SLC36A3: variants seen among roughly 807,000 people sequenced by gnomAD.
SLC36A3 encodes the protein solute carrier family 36 member 3.
SLC36A3 carries 35 observed loss-of-function variants against 44.3 expected under a neutral mutation model. The observed-to-expected ratio is 0.79, with a 90% CI of 0.60 to 1.05. The LOEUF (loss-of-function observed/expected upper bound fraction) is 1.05, where lower values mean the gene tolerates loss of function less well. SLC36A3 is among the 50% of genes least tolerant of loss of function. The pLI is 0.00. For synonymous variants in SLC36A3, 211 were observed against 227.6 expected (o/e 0.93, Z 0.66); for missense variants, 540 against 578.7 (o/e 0.93, Z 0.69).
Position 151,287,251 on chromosome 5 carries a change from T to C in SLC36A3, c.703A>G (p.Met235Val). Reference protein sequence around the residue: ...GSMALIFEYIMEGIPYPSNLP... With the variant: ...GSMALIFEYIVEGIPYPSNLP... ...TTCTTCCCTATGGCACAGACCTCCA[T>C]GATATACTCAAAGATCAGAGCCATG... Residue 235 changes from methionine (M) to valine (V), a missense_variant, in exon 6 of 10, where the codon ATG becomes GTG. Coordinates refer to ENST00000335230, the MANE Select transcript of SLC36A3 (RefSeq NM_181774.4). 3 of 1,614,050 alleles carry C rather than the reference T, an allele frequency of 1.9e-6. No homozygotes were observed. The highest frequency in any genetic ancestry group is 1.7e-6 in the Non-Finnish European group (2 of 1,180,002).
chr5:151,283,085 C>T (rs942893541), intron 8 of SLC36A3, among the ~76,000 whole-genome samples: 3 of 152,040 alleles, frequency 2.0e-5, no homozygotes, highest in African/African-American at 7.2e-5. Context: ...GGGGTTTTGC[C>T]ATGTTGGCCA....
At chr5:151,302,332 A>C (rs907743603) in intron 1 of SLC36A3, among the ~76,000 whole-genome samples, 7 of 152,344 alleles carry the variant, frequency 4.6e-5, no homozygotes, top group Admixed American at 2.0e-4. Flanking sequence ...TTGTGCCCAC[A>C]GTTGTTACCG....
Position 151,277,515 on chromosome 5 carries a change from T to A in SLC36A3, c.1291A>T (p.Lys431Ter). ...CCCACGATGCTAATCATGATGTCCT[T>A]GGCAATGGTGACACAGCTCATGTCC... ...SEDMSCVTIA[K>*]DIMISIVGLL... The change falls in exon 10 of 10, where the codon AAG becomes TAG. Residue 431 changes from lysine to a stop codon, truncating the protein, a stop_gained. Coordinates refer to ENST00000335230, the MANE Select transcript of SLC36A3 (RefSeq NM_181774.4). LOFTEE classifies it low-confidence loss of function (END_TRUNC). The A allele has an allele frequency of 6.2e-6, 10 of 1,614,216 alleles. No individual in the cohort carries two copies. Among genetic ancestry groups the A allele is most frequent in the Non-Finnish European group, 7.6e-6 (9 of 1,180,040 alleles).
chr5:151,298,499 A>C, intron 2 of SLC36A3, 94 bp downstream of exon 2: 1 of 1,216,704 alleles, frequency 8.2e-7, no homozygotes, highest in Non-Finnish European at 1.2e-6. Flanking sequence ...GTACCCCCAA[A>C]TTGCCCATTG....
In SLC36A3 at chr5:151,295,993, G is replaced by A. The variant is rs1030934722; in HGVS notation, c.308+187C>T. On this transcript the variant is annotated intron_variant, in intron 3 of 9. Coordinates refer to ENST00000335230, the MANE Select transcript of SLC36A3 (RefSeq NM_181774.4). ...AGTCATCCAGCTTGTTAGCAGCAGC[G>A]TTGGATCTGTGCCTAGAGTCTCTAA... Among the ~76,000 whole-genome samples the A allele has an allele frequency of 7.9e-5, 12 of 152,338 alleles. No individual in the cohort carries two copies. In the East Asian group the frequency reaches 1.5e-3, roughly 20 times the overall value.
chr5:151,298,337 G>A (rs976564966), intron 2 of SLC36A3: 1 of 444,004 alleles, frequency 2.3e-6, no homozygotes, highest in African/African-American at 2.0e-5. Flanking sequence ...CTAGGAGTGG[G>A]GAGGACTGCG....
chr5:151,299,254 C>CTATATATATATA (rs1333895300), intron 1 of SLC36A3, among the ~76,000 whole-genome samples: 2 of 87,150 alleles, frequency 2.3e-5, no homozygotes, highest in Non-Finnish European at 4.5e-5. Context: ...CTCTCTCTCT[C>CTATATATATATA]TCTCTCTCTC....
chr5:151,277,599 T>C lies in SLC36A3; in HGVS notation c.1207A>G (p.Ser403Gly). Residue 403 changes from serine (S) to glycine (G), a missense_variant, in exon 10 of 10, where the codon AGC (serine) becomes GGC (glycine). Physicochemically the swap from Ser to Gly is moderately conservative, Grantham distance 56 (BLOSUM62 0). Transcript: ENST00000335230. ...LVISLVGSVS[S>G]SALALIIPAL... ...GGGATGATGAGAGCCAGGGCGCTGC[T>C]GCTCACGGAGCCTACCAGGGAGATG... The C allele has an allele frequency of 1.2e-6, 2 of 1,614,176 alleles. No individual in the cohort carries two copies. The highest frequency in any genetic ancestry group is 1.7e-6 in the Non-Finnish European group (2 of 1,180,024).
intron 4 of SLC36A3, among the ~76,000 whole-genome samples, chr5:151,290,248 G>A (rs1461242768): frequency 1.3e-5 from 2 of 152,028 alleles, no homozygotes; most frequent in Admixed American, 1.3e-4. Flanking sequence ...TTCAAAATTG[G>A]CTTGTAGTAT....
intron 3 of SLC36A3, 33 bp downstream of exon 3, chr5:151,296,147 A>C: frequency 6.2e-7 from 1 of 1,609,590 alleles, no homozygotes; most frequent in Non-Finnish European, 8.5e-7. Context: ...GAGGGGCCCC[A>C]GTGCTGGAAT....
At chr5:151,281,381 T>G (rs1264173157) in intron 8 of SLC36A3, among the ~76,000 whole-genome samples, 198 bp from the exon 9 acceptor site, 1 of 152,200 alleles carries the variant, frequency 6.6e-6, no homozygotes, top group Non-Finnish European at 1.5e-5. Context: ...TTCACTGAAT[T>G]ATAGAACTGG....
chr5:151,291,084 G>C (rs1189678958), intron 4 of SLC36A3, among the ~76,000 whole-genome samples: 1 of 151,602 alleles, frequency 6.6e-6, no homozygotes, highest in African/African-American at 2.4e-5. Context: ...CTGGGCTCAA[G>C]TGATCCTCCC....
chr5:151,284,678 C>T lies in SLC36A3; in HGVS notation c.742G>A (p.Ala248Thr), dbSNP rs748087930. 3.2e-5 allele frequency: 51 copies of T among 1,613,004 alleles called. No individual in the cohort carries two copies. Among genetic ancestry groups the T allele is most frequent in the South Asian group, 1.1e-5 (1 of 90,888 alleles). Reference protein sequence around the residue: ...IPYPSNLPLMANWKTFLLFFG... With the variant: ...IPYPSNLPLMTNWKTFLLFFG... ...AACAGCAAGAAGGTCTTCCAGTTTGCCATCAAGGGTAGGTTGCTGGGATAT... is the reference window on the plus strand; with the variant it reads ...AACAGCAAGAAGGTCTTCCAGTTTGTCATCAAGGGTAGGTTGCTGGGATAT... Residue 248 changes from alanine (A) to threonine (T), a missense_variant, in exon 7 of 10, where the codon GCA becomes ACA. By Grantham distance (58) the Ala-to-Thr change is moderately conservative. Transcript: ENST00000335230.
Position 151,277,283 on chromosome 5 carries a change from G to T in SLC36A3, c.*110C>A, listed in dbSNP as rs141710259. 7.3e-6 allele frequency: 10 copies of T among 1,366,620 alleles called. No homozygotes were observed. The highest frequency in any genetic ancestry group is 1.0e-5 in the Non-Finnish European group (10 of 995,078). 84.7% of individuals were successfully genotyped at this position (1,366,620 alleles called of 1,614,324 possible). On this transcript the variant is annotated 3_prime_UTR_variant, in exon 10 of 10. Coordinates refer to ENST00000335230, the MANE Select transcript of SLC36A3 (RefSeq NM_181774.4). ...GCATTTCTCTTGGAAAGATAAAGAC[G>T]CCACTAATTAATATAGAGATGTTGG... is the stretch of plus-strand genomic sequence containing the variant.
In SLC36A3 at chr5:151,284,722, G is replaced by A. The variant is rs1366765702; in HGVS notation, c.709-11C>T. 2 of 1,603,936 alleles carry A rather than the reference G, an allele frequency of 1.2e-6. No individual in the cohort carries two copies. Among genetic ancestry groups the A allele is most frequent in the East Asian group, 2.2e-5 (1 of 44,830 alleles). ...GGGATATGGAATCCCCTAAAAGAAA[G>A]TGGGAGAAGCACATTGGTGTTGTTA... On this transcript the variant is annotated splice_polypyrimidine_tract_variant and intron_variant, in intron 6 of 9. Coordinates refer to ENST00000335230, the MANE Select transcript of SLC36A3 (RefSeq NM_181774.4).
chr5:151,280,403 G>A (rs751844324), intron 9 of SLC36A3, among the ~76,000 whole-genome samples: 1 of 152,140 alleles, frequency 6.6e-6, no homozygotes, highest in Non-Finnish European at 1.5e-5. Context: ...GCAGTGAGCC[G>A]AGATAGCACC....
intron 2 of SLC36A3, chr5:151,296,976 G>A (rs1754982492): frequency 6.6e-6 from 1 of 152,222 alleles, no homozygotes; most frequent in South Asian, 2.1e-4. Context: ...GTGATCAGAA[G>A]GGTATAAACG....
chr5:151,291,103 C>T (rs1443280509), intron 4 of SLC36A3, among the ~76,000 whole-genome samples: 2 of 151,832 alleles, frequency 1.3e-5, no homozygotes, highest in African/African-American at 2.4e-5. Flanking sequence ...CCACCTCAGC[C>T]TCCTGAGTAG....
chr5:151,298,805 G>A (rs535739916), intron 1 of SLC36A3, 122 bp from the exon 2 acceptor site: 10 of 843,036 alleles, frequency 1.2e-5, no homozygotes, highest in Middle Eastern at 2.9e-4. Flanking sequence ...AACCTGATGA[G>A]GTGGACTTGG....
Sources: gnomAD v4.1 joint callset for allele counts (sites outside exome capture counted in the v4.1 genomes callset) on GRCh38, gnomAD v4.1.1 for gene constraint, MANE v1.5 for transcripts, NCBI Gene and HGNC (gene_info 2026-07-23, HGNC 2026-07-21) for gene names.